Variants in MMGT1 observed in about 807,000 individuals in gnomAD.
MMGT1 encodes membrane magnesium transporter 1, also known as ER membrane protein complex subunit 5.
MMGT1 carries 2 observed loss-of-function variants against 11.7 expected under a neutral mutation model. The ratio of observed to expected loss-of-function variants is 0.17; its 90% CI spans 0.07 to 0.54. The LOEUF (loss-of-function observed/expected upper bound fraction) is 0.54, where lower values mean the gene tolerates loss of function less well. Ranked by LOEUF, MMGT1 falls within the 20% of genes least tolerant of loss-of-function variation. The pLI is 0.94. For synonymous variants in MMGT1, 49 were observed against 44.4 expected (o/e 1.10, Z -0.41); for missense variants, 74 against 109.0 (o/e 0.68, Z 1.43).
Position 135,964,974 on chromosome X carries a change from C to T in MMGT1, c.*50G>A. The stretch of plus-strand genomic sequence containing the variant: ...GGAGGAGTGTTTTATACCCCAAACT[C>T]CAATATTCCAGCTCTGTGTCCTGTC... On this transcript the variant is annotated 3_prime_UTR_variant, in exon 4 of 4. Coordinates refer to ENST00000305963, the MANE Select transcript of MMGT1 (RefSeq NM_173470.3). 1 of 1,122,871 alleles carries T rather than the reference C, an allele frequency of 8.9e-7. No homozygotes were observed. The highest frequency in any genetic ancestry group is 1.8e-5 in the African/African-American group (1 of 55,849). The allele number at this position is 1,122,871 out of a possible 1,213,427, so 92.5% of individuals were successfully genotyped here.
At chrX:135,971,137 G>T (rs782361672) in intron 1 of MMGT1, 27 bp from the exon 2 acceptor site, 1 of 1,053,911 alleles carries the variant, frequency 9.5e-7, no homozygotes, top group Non-Finnish European at 1.3e-6. Context: ...TACCATTAAG[G>T]AAACTGTAGT....
rs782092843 is a variant in MMGT1 at position 135,961,062 on chromosome X, A to G, written c.*3962T>C. ...GAGGACAATTTGGCAGTAACTACTG[A>G]ACTGAAAATAAAAAATACCCTCTGA... On this transcript the variant is annotated 3_prime_UTR_variant, in exon 4 of 4. Transcript: ENST00000305963. Among the ~76,000 whole-genome samples the G allele has an allele frequency of 8.9e-6, 1 of 111,946 alleles. No individual in the cohort carries two copies. The highest frequency in any genetic ancestry group is 9.5e-5 in the Admixed American group (1 of 10,550).
Position 135,964,957 on chromosome X carries a change from GTTT to G in MMGT1, c.*64_*66del. 2.9e-6 allele frequency: 3 copies of G among 1,041,305 alleles called. No homozygotes were observed. The highest frequency in any genetic ancestry group is 4.0e-6 in the Non-Finnish European group (3 of 752,604). The allele number at this position is 1,041,305 out of a possible 1,213,427, so 85.8% of individuals were successfully genotyped here. Reference sequence around the variant, plus strand: ...AATACTAATGGGGGCAGGGAGGAGTGTTTTATACCCCAAACTCCAATATTCCAG... The same window carrying G: ...AATACTAATGGGGGCAGGGAGGAGTGTATACCCCAAACTCCAATATTCCAG... On this transcript the variant is annotated 3_prime_UTR_variant, in exon 4 of 4. Coordinates refer to ENST00000305963, the MANE Select transcript of MMGT1 (RefSeq NM_173470.3).
At position 135,965,001 on chromosome X, in the gene MMGT1, T is replaced by C; in HGVS notation, c.*23A>G. 3.3e-6 allele frequency: 4 copies of C among 1,197,056 alleles called. No individual in the cohort carries two copies. The South Asian group carries it at 5.3e-5, about 16-fold the overall frequency. The stretch of plus-strand genomic sequence containing the variant: ...AATATTCCAGCTCTGTGTCCTGTCC[T>C]ATTATTATAATTTGTAAAAATCTTA... On this transcript the variant is annotated 3_prime_UTR_variant, in exon 4 of 4. Transcript: ENST00000305963.
At chrX:135,968,721 G>GTGAAACCCCATCCAACAT in intron 2 of MMGT1, among the ~76,000 whole-genome samples, 1 of 110,623 alleles carries the variant, frequency 9.0e-6, no homozygotes, top group East Asian at 2.8e-4. Flanking sequence ...AGTAGAGATG[G>GTGAAACCCCATCCAACAT]GGTTTCACCA....
Position 135,971,059 on chromosome X carries a change from T to C in MMGT1, c.131A>G (p.Asp44Gly). The C allele has an allele frequency of 8.6e-7, 1 of 1,157,719 alleles. No homozygotes were observed. Among genetic ancestry groups the C allele is most frequent in the Non-Finnish European group, 1.2e-6 (1 of 848,237 alleles). The change falls in exon 2 of 4, where the codon GAT becomes GGT. Residue 44 changes from aspartate to glycine, a missense_variant and splice_region_variant. Physicochemically the swap from Asp to Gly is moderately conservative, Grantham distance 94. Transcript: ENST00000305963. Reference sequence around the variant, plus strand: ...ACGGAATATAAATGACCAACTTACATCTATTGGCAGTGATTCATCTTCTTT... The same window carrying C: ...ACGGAATATAAATGACCAACTTACACCTATTGGCAGTGATTCATCTTCTTT... ...TEKEDESLPIDIVLQTLLAFA... is the reference protein window; with the variant it reads ...TEKEDESLPIGIVLQTLLAFA...
At position 135,964,351 on chromosome X, in the gene MMGT1, A is replaced by G. The variant is rs1158733299; in HGVS notation, c.*673T>C. 8.8e-6 allele frequency: 1 copy of G among 113,251 alleles called. No homozygotes were observed. The highest frequency in any genetic ancestry group is 1.9e-5 in the Non-Finnish European group (1 of 53,414). 9.3% of individuals were successfully genotyped at this position (113,251 alleles called of 1,213,427 possible). On this transcript the variant is annotated 3_prime_UTR_variant, in exon 4 of 4. Transcript: ENST00000305963. ...ACACAAGTAGCTTTACAGTAAGTTGAGCCTGTTACATATATTTGTTCTGAC... is the reference window on the plus strand; with the variant it reads ...ACACAAGTAGCTTTACAGTAAGTTGGGCCTGTTACATATATTTGTTCTGAC...
In MMGT1 at chrX:135,961,642, G is replaced by A. The variant is rs782217093; in HGVS notation, c.*3382C>T. On this transcript the variant is annotated 3_prime_UTR_variant, in exon 4 of 4. Coordinates refer to ENST00000305963, the MANE Select transcript of MMGT1 (RefSeq NM_173470.3). ...ATTTTTCAAAATACTGTAGATAAGT[G>A]CCAAGTTTTGCAATTTAGAACTTCC... is the stretch of plus-strand genomic sequence containing the variant. Among the ~76,000 whole-genome samples, 5 of 111,560 alleles carry A rather than the reference G, an allele frequency of 4.5e-5. No homozygotes were observed. The South Asian group carries it at 1.9e-3, about 42-fold the overall frequency.
At position 135,963,575 on chromosome X, in the gene MMGT1, G is replaced by A. The variant is rs896366138; in HGVS notation, c.*1449C>T. On this transcript the variant is annotated 3_prime_UTR_variant, in exon 4 of 4. Transcript: ENST00000305963. The stretch of plus-strand genomic sequence containing the variant: ...TGTTCCGCAGACAGACTGGGCTGGC[G>A]TAACAAACCAAAACTAAACAACAAT... The A allele has an allele frequency of 2.7e-5, 3 of 111,914 alleles. No individual in the cohort carries two copies. Among genetic ancestry groups the A allele is most frequent in the African/African-American group, 6.5e-5 (2 of 30,695 alleles). 9.2% of individuals were successfully genotyped at this position (111,914 alleles called of 1,213,427 possible). A position where few individuals can be genotyped will look rare whatever the true frequency, so the allele number is the denominator to read the frequency against.
chrX:135,966,164 G>A (rs2089183952), intron 3 of MMGT1, among the ~76,000 whole-genome samples: 1 of 111,889 alleles, frequency 8.9e-6, no homozygotes, highest in African/African-American at 3.2e-5. Flanking sequence ...TGGCCTTTAT[G>A]GTTTTTGTTT....
At chrX:135,966,365 G>A (rs6633791) in intron 3 of MMGT1, among the ~76,000 whole-genome samples, 31,859 of 111,260 alleles carry the variant, frequency 0.29, 4,223 homozygotes, top group Middle Eastern at 0.5. Flanking sequence ...AACCCAAGGC[G>A]GGTGGATCAC....
rs782758276 is a variant in MMGT1, at chrX:135,961,180, C to T, written c.*3844G>A. 5.6e-4 allele frequency among the ~76,000 whole-genome samples: 62 copies of T among 111,385 alleles called. 1 individual carries two copies. Among genetic ancestry groups the T allele is most frequent in the African/African-American group, 2.0e-3 (60 of 30,714 alleles). On this transcript the variant is annotated 3_prime_UTR_variant, in exon 4 of 4. Coordinates refer to ENST00000305963, the MANE Select transcript of MMGT1 (RefSeq NM_173470.3). ...CAATGTGATTTAATATTGGAAACAA[C>T]CTAAAGAGCCTATCAGTGTTTGAAC...
rs782155511 is a variant in MMGT1 at position 135,973,706 on chromosome X, A to C, written c.-31T>G. ...CGAAGGAGCAGCAGCCCAGCAAAAG[A>C]AGCGAAGGACGGCGGAGCTGTTTCT... is the stretch of plus-strand genomic sequence containing the variant. On this transcript the variant is annotated 5_prime_UTR_variant, in exon 1 of 4. Transcript: ENST00000305963. 347 of 1,165,175 alleles carry C rather than the reference A, an allele frequency of 3.0e-4. No homozygotes were observed. Among genetic ancestry groups the C allele is most frequent in the Non-Finnish European group, 3.9e-4 (337 of 872,613 alleles).
Position 135,971,072 on chromosome X carries a change from A to G in MMGT1, c.118T>C (p.Ser40Pro). 8.5e-7 allele frequency: 1 copy of G among 1,183,201 alleles called. No homozygotes were observed. Among genetic ancestry groups the G allele is most frequent in the Non-Finnish European group, 1.1e-6 (1 of 870,818 alleles). Reference sequence around the variant, plus strand: ...GACCAACTTACATCTATTGGCAGTGATTCATCTTCTTTTTCTGTTAATCGC... The same window carrying G: ...GACCAACTTACATCTATTGGCAGTGGTTCATCTTCTTTTTCTGTTAATCGC... ...YMRLTEKEDE[S>P]LPIDIVLQTL... Residue 40 changes from serine to proline, a missense_variant, in exon 2 of 4, where the codon TCA becomes CCA. Around this residue, in one of 2 missense-constraint regions of MMGT1, gnomAD observed 40 missense variants for 79.6 expected, o/e 0.50. Transcript: ENST00000305963.
At chrX:135,965,705 CT>C (rs2089181526) in intron 3 of MMGT1, among the ~76,000 whole-genome samples, 1 of 111,709 alleles carries the variant, frequency 9.0e-6, no homozygotes, top group Non-Finnish European at 1.9e-5. Context: ...TGCCCGGCTT[CT>C]AATATTTTTT....
chrX:135,963,714 C>T lies in MMGT1; in HGVS notation c.*1310G>A, dbSNP rs1556611664. ...AAAATGCCTACAAGTACAATGGCAT[C>T]TTATGACTCATGCCTAAAGCACATT... On this transcript the variant is annotated 3_prime_UTR_variant, in exon 4 of 4. Transcript: ENST00000305963. The T allele has an allele frequency of 8.9e-6, 1 of 112,551 alleles. No homozygotes were observed. The highest frequency in any genetic ancestry group is 1.9e-5 in the Non-Finnish European group (1 of 53,280). The allele number at this position is 112,551 out of a possible 1,213,427, so 9.3% of individuals were successfully genotyped here. A position where few individuals can be genotyped will look rare whatever the true frequency, so the allele number is the denominator to read the frequency against.
intron 2 of MMGT1, among the ~76,000 whole-genome samples, chrX:135,970,700 G>A (rs1556612500): frequency 1.8e-5 from 2 of 112,228 alleles, no homozygotes; most frequent in East Asian, 2.8e-4. Context: ...ATGAGGTCAG[G>A]AGATCGAGAC....
At position 135,964,061 on chromosome X, in the gene MMGT1, T is replaced by C. The variant is rs182747316; in HGVS notation, c.*963A>G. 1 of 112,910 alleles carries C rather than the reference T, an allele frequency of 8.9e-6. No individual in the cohort carries two copies. Among genetic ancestry groups the C allele is most frequent in the East Asian group, 2.8e-4 (1 of 3,619 alleles). 9.3% of individuals were successfully genotyped at this position (112,910 alleles called of 1,213,427 possible). On this transcript the variant is annotated 3_prime_UTR_variant, in exon 4 of 4. Transcript: ENST00000305963. ...TTCCTAAAAACCTTAAAAACATTAG[T>C]TCCAAATACTGAGAATATATTTGGC...
intron 2 of MMGT1, among the ~76,000 whole-genome samples, chrX:135,968,071 C>G (rs12848107): frequency 9.0e-6 from 1 of 111,723 alleles, no homozygotes; most frequent in Non-Finnish European, 1.9e-5. Context: ...AGGCTGGTCT[C>G]GAACTCCTGA....
Sources: allele counts gnomAD v4.1 joint callset (sites outside exome capture counted in the v4.1 genomes callset), GRCh38; gene constraint gnomAD v4.1.1; regional missense constraint gnomAD v4.1.1; transcripts MANE v1.5; gene names NCBI Gene and HGNC (gene_info 2026-07-23, HGNC 2026-07-21).